SORCS2: variants seen among roughly 807,000 people sequenced by gnomAD.
SORCS2 encodes sortilin related VPS10 domain containing receptor 2.
SORCS2 carries 100 observed loss-of-function variants against 141.6 expected under a neutral mutation model. That is an observed-to-expected ratio of 0.71 (90% CI 0.60 to 0.83). The LOEUF is 0.83. Ranked by LOEUF, SORCS2 falls within the 40% of genes least tolerant of loss-of-function variation. SORCS2 has a pLI of 0.00. For synonymous variants in SORCS2, 789 were observed against 676.9 expected (o/e 1.17, Z -2.57); for missense variants, 1,646 against 1,560.2 (o/e 1.05, Z -0.93).
chr4:7,410,077 G>A (rs560928332), intron 2 of SORCS2, among the ~76,000 whole-genome samples: 32 of 152,342 alleles, frequency 2.1e-4, no homozygotes, highest in African/African-American at 7.2e-4. Context: ...TGGCCCTGGG[G>A]GACATCCCCA....
chr4:7,313,153 A>G (rs889052218), intron 1 of SORCS2, among the ~76,000 whole-genome samples: 2 of 152,262 alleles, frequency 1.3e-5, no homozygotes, highest in African/African-American at 4.8e-5. Context: ...AGCTACCTCA[A>G]TGATGGATTC....
rs936874621 is a variant in SORCS2, at chr4:7,663,193, G to C, written c.953-1160G>C. On this transcript the variant is annotated intron_variant, in intron 6 of 26. Coordinates refer to ENST00000507866, the MANE Select transcript of SORCS2 (RefSeq NM_020777.3). The surrounding 1 kb of genome is among the most constrained non-coding windows in gnomAD (Gnocchi z 4.8). The stretch of plus-strand genomic sequence containing the variant: ...GAGTGATGAGTGAATGAGTGAGTGA[G>C]TGAAGAGTGAATGAGTGAGTGAATG... Among the ~76,000 whole-genome samples the C allele has an allele frequency of 2.0e-5, 3 of 151,920 alleles. No homozygotes were observed. The highest frequency in any genetic ancestry group is 6.6e-5 in the Admixed American group (1 of 15,250).
At chr4:7,257,253 G>A (rs1713953498) in intron 1 of SORCS2, among the ~76,000 whole-genome samples, 1 of 152,014 alleles carries the variant, frequency 6.6e-6, no homozygotes, top group Non-Finnish European at 1.5e-5. Flanking sequence ...GGTGAGGTGA[G>A]GCTCGTGTGC....
chr4:7,630,304 C>T (rs1184065506), intron 3 of SORCS2, among the ~76,000 whole-genome samples: 1 of 152,162 alleles, frequency 6.6e-6, no homozygotes, highest in East Asian at 1.9e-4. Flanking sequence ...AGGGCCCCAG[C>T]AGGAACGAAC....
intron 1 of SORCS2, among the ~76,000 whole-genome samples, chr4:7,196,443 T>C (rs1352524991): frequency 2.6e-5 from 4 of 152,202 alleles, no homozygotes; most frequent in Admixed American, 6.5e-5. Context: ...CGTGGGCTTA[T>C]TGTGCTTATT....
In SORCS2 at chr4:7,440,969, A is replaced by T. The variant is rs1223773336; in HGVS notation, c.548+44614A>T. On this transcript the variant is annotated intron_variant, in intron 2 of 26. Coordinates refer to ENST00000507866, the MANE Select transcript of SORCS2 (RefSeq NM_020777.3). ...ATGAATGAGTGAGCACTCAAATGGC[A>T]GGCAGAAGGGAGTTTCGTGGGGTGA... Among the ~76,000 whole-genome samples the T allele has an allele frequency of 2.6e-5, 4 of 152,282 alleles. No homozygotes were observed. In the East Asian group the frequency reaches 7.7e-4, roughly 29 times the overall value.
At position 7,443,145 on chromosome 4, in the gene SORCS2, C is replaced by G. The variant is rs149943038; in HGVS notation, c.548+46790C>G. On this transcript the variant is annotated intron_variant, in intron 2 of 26. Transcript: ENST00000507866. ...AATTACATCTGTAAAAACCCTAGCT[C>G]CAAATTATGTCAGATCACAGGTACC... Among the ~76,000 whole-genome samples the G allele has an allele frequency of 3.2e-4, 48 of 152,354 alleles. No individual in the cohort carries two copies. In the East Asian group the frequency reaches 9.1e-3, roughly 29 times the overall value.
intron 1 of SORCS2, among the ~76,000 whole-genome samples, chr4:7,344,491 G>A (rs546726499): frequency 6.6e-5 from 10 of 152,338 alleles, no homozygotes; most frequent in Admixed American, 1.3e-4. Flanking sequence ...TTCATCACCT[G>A]GGTCCACAGA....
chr4:7,587,483 G>A (rs973420736), intron 3 of SORCS2, among the ~76,000 whole-genome samples: 5 of 152,230 alleles, frequency 3.3e-5, no homozygotes, highest in Non-Finnish European at 5.9e-5. Flanking sequence ...TCTGCCAGGA[G>A]ACTGTCATCA....
At chr4:7,378,345 G>C (rs1487818458) in intron 1 of SORCS2, among the ~76,000 whole-genome samples, 1 of 152,140 alleles carries the variant, frequency 6.6e-6, no homozygotes, top group Non-Finnish European at 1.5e-5. Flanking sequence ...CTGCTATGAA[G>C]AAATACCCGA....
At chr4:7,628,724 G>A (rs1719684716) in intron 3 of SORCS2, among the ~76,000 whole-genome samples, 1 of 151,994 alleles carries the variant, frequency 6.6e-6, no homozygotes, top group Non-Finnish European at 1.5e-5. Flanking sequence ...AGGGGGTGGG[G>A]AGCTGGGGCT....
intron 2 of SORCS2, among the ~76,000 whole-genome samples, chr4:7,489,534 C>T (rs1471457364): frequency 6.6e-6 from 1 of 151,960 alleles, no homozygotes; most frequent in Non-Finnish European, 1.5e-5. Flanking sequence ...GTCCCCGGCC[C>T]TCCTGGCCCC....
intron 1 of SORCS2, among the ~76,000 whole-genome samples, chr4:7,243,774 C>G (rs116328736): frequency 6.6e-6 from 1 of 152,226 alleles, no homozygotes; most frequent in Admixed American, 6.5e-5. Flanking sequence ...AACCCAAGTT[C>G]GCAGACGCCA....
intron 1 of SORCS2, among the ~76,000 whole-genome samples, chr4:7,383,654 A>G (rs1464123984): frequency 1.3e-5 from 2 of 152,208 alleles, no homozygotes; most frequent in Non-Finnish European, 2.9e-5. Flanking sequence ...TTATCCGATT[A>G]CCTTTTATTG....
At chr4:7,670,006 A>G (rs1038948552) in intron 8 of SORCS2, among the ~76,000 whole-genome samples, 22 of 152,260 alleles carry the variant, frequency 1.4e-4, no homozygotes, top group African/African-American at 5.3e-4. Context: ...CAGTGCTGCA[A>G]TGAATCTATG....
chr4:7,710,258 G>T (rs551630637), intron 14 of SORCS2, among the ~76,000 whole-genome samples: 1 of 152,148 alleles, frequency 6.6e-6, no homozygotes, highest in African/African-American at 2.4e-5. Flanking sequence ...TTCCAACGCC[G>T]CCCCTCCAGG....
At chr4:7,416,723 CAG>C (rs1158959735) in intron 2 of SORCS2, among the ~76,000 whole-genome samples, 6 of 28,464 alleles carry the variant, frequency 2.1e-4, no homozygotes, top group Admixed American at 1.2e-3. Context: ...TGCACACACT[CAG>C]ACACACACGC....
intron 25 of SORCS2, among the ~76,000 whole-genome samples, chr4:7,735,116 C>T (rs73794752): frequency 0.13 from 19,149 of 152,236 alleles, 1,270 homozygotes; most frequent in East Asian, 0.18. Flanking sequence ...GACCCGGCCC[C>T]GGCAGCATCA....
chr4:7,238,414 C>A (rs1712447632), intron 1 of SORCS2, among the ~76,000 whole-genome samples: 1 of 152,126 alleles, frequency 6.6e-6, no homozygotes, highest in South Asian at 2.1e-4. Context: ...AGCCATGCTG[C>A]TGGTAGGGCT....
Sources: gnomAD v4.1 joint callset for allele counts (sites outside exome capture counted in the v4.1 genomes callset) on GRCh38, gnomAD v4.1.1 for gene constraint, Gnocchi (gnomAD v3.1) non-coding constraint, MANE v1.5 for transcripts, NCBI Gene and HGNC (gene_info 2026-07-23, HGNC 2026-07-21) for gene names.